The following UTP18 variants were observed in gnomAD, a reference collection of about 807,000 sequenced individuals.
UTP18 encodes the protein U3 small nucleolar RNA-associated protein 18 homolog.
UTP18 carries 36 observed loss-of-function variants against 61.1 expected under a neutral mutation model. That is an observed-to-expected ratio of 0.59 (90% CI 0.45 to 0.78). The LOEUF (loss-of-function observed/expected upper bound fraction) is 0.78, where lower values mean the gene tolerates loss of function less well. Ranked by LOEUF, UTP18 falls within the 30% of genes least tolerant of loss-of-function variation. The pLI is 0.00. For synonymous variants in UTP18, 282 were observed against 251.1 expected (o/e 1.12, Z -1.16); for missense variants, 753 against 693.9 (o/e 1.09, Z -0.96).
At chr17:51,291,411 T>G (rs1297346104) in intron 11 of UTP18, among the ~76,000 whole-genome samples, 2 of 151,932 alleles carry the variant, frequency 1.3e-5, no homozygotes, top group Non-Finnish European at 2.9e-5. Flanking sequence ...CCCCTCCTTT[T>G]CCCGATATTC....
At chr17:51,275,013 C>A (rs1411204152) in intron 5 of UTP18, among the ~76,000 whole-genome samples, 1 of 151,662 alleles carries the variant, frequency 6.6e-6, no homozygotes, top group African/African-American at 2.4e-5. Context: ...GCGTGACCAA[C>A]ATGGGGAAAC....
In UTP18 at chr17:51,260,631, G is replaced by C. The variant is rs775140475; in HGVS notation, c.47G>C (p.Gly16Ala). ...RRRMKLDRRT[G>A]AKPKRKPGMR... Reference sequence around the variant, plus strand: ...CGAATGAAACTGGACCGGAGAACCGGAGCGAAGCCGAAGCGGAAGCCCGGA... The same window carrying C: ...CGAATGAAACTGGACCGGAGAACCGCAGCGAAGCCGAAGCGGAAGCCCGGA... Residue 16 changes from glycine (G) to alanine (A), a missense_variant, in exon 1 of 14, where the codon GGA becomes GCA. Coordinates refer to ENST00000225298, the MANE Select transcript of UTP18 (RefSeq NM_016001.3). 40 of 1,612,546 alleles carry C rather than the reference G, an allele frequency of 2.5e-5. No individual in the cohort carries two copies. The highest frequency in any genetic ancestry group is 3.1e-5 in the Non-Finnish European group (37 of 1,179,756).
rs59599486 is a variant in UTP18, at chr17:51,286,874, C to T, written c.1329-1155C>T. ...TAAGTTTTAGGGTACATGTGCATAA[C>T]GTGCAGGTTTGTTACATATGTATAC... On this transcript the variant is annotated intron_variant, in intron 10 of 13. Transcript: ENST00000225298. Among the ~76,000 whole-genome samples the T allele has an allele frequency of 5.2e-3, 792 of 152,070 alleles. 5 individuals carry two copies. Among genetic ancestry groups the T allele is most frequent in the African/African-American group, 0.018 (762 of 41,468 alleles).
intron 11 of UTP18, among the ~76,000 whole-genome samples, chr17:51,289,397 C>T (rs1288175340): frequency 1.4e-5 from 2 of 145,638 alleles, no homozygotes; most frequent in Admixed American, 1.4e-4. Flanking sequence ...TAAGTAGAGA[C>T]GGGGTTTCAC....
At chr17:51,278,310 A>AC (rs1160324906) in intron 7 of UTP18, among the ~76,000 whole-genome samples, 1 of 152,200 alleles carries the variant, frequency 6.6e-6, no homozygotes, top group Non-Finnish European at 1.5e-5. Flanking sequence ...TGATGGTGAT[A>AC]CTGTGTGGTC....
At chr17:51,289,213 T>C (rs80284546) in intron 11 of UTP18, among the ~76,000 whole-genome samples, 1 of 135,742 alleles carries the variant, frequency 7.4e-6, no homozygotes, top group Admixed American at 7.5e-5. Flanking sequence ...TTTTTTTTTT[T>C]TGAGACCAAG....
At chr17:51,264,556 G>A (rs1008119119) in intron 2 of UTP18, among the ~76,000 whole-genome samples, 1 of 151,618 alleles carries the variant, frequency 6.6e-6, no homozygotes, top group Non-Finnish European at 1.5e-5. Flanking sequence ...CCCATTGAAA[G>A]GTGTCAGTTT....
intron 6 of UTP18, among the ~76,000 whole-genome samples, chr17:51,276,640 G>A (rs1048224980): frequency 1.3e-5 from 2 of 152,170 alleles, no homozygotes; most frequent in African/African-American, 2.4e-5. Flanking sequence ...GTCACTCTCT[G>A]ATGGGGGTAT....
At chr17:51,269,638 A>G (rs148729382) in intron 4 of UTP18, among the ~76,000 whole-genome samples, 14 of 152,138 alleles carry the variant, frequency 9.2e-5, no homozygotes, top group South Asian at 2.1e-4. Flanking sequence ...TGGTACGTAA[A>G]TGCAGGGAGT....
intron 2 of UTP18, among the ~76,000 whole-genome samples, chr17:51,264,690 CTT>C (rs1227700509): frequency 2.8e-5 from 4 of 141,626 alleles, no homozygotes. Flanking sequence ...TCATTGTCTT[CTT>C]TTTTTTTTTT....
intron 4 of UTP18, 75 bp downstream of exon 4, chr17:51,268,979 G>T: frequency 6.9e-7 from 1 of 1,453,298 alleles, no homozygotes; most frequent in Non-Finnish European, 9.6e-7. Context: ...GCTTTCTTAT[G>T]AGGCTCATTA....
chr17:51,273,002 G>C (rs909111704), intron 4 of UTP18, among the ~76,000 whole-genome samples: 2 of 152,190 alleles, frequency 1.3e-5, no homozygotes, highest in African/African-American at 2.4e-5. Context: ...TAGCCAACCT[G>C]TTGCCAATTT....
intron 9 of UTP18, among the ~76,000 whole-genome samples, chr17:51,280,955 A>T (rs994937494): frequency 1.3e-5 from 2 of 151,168 alleles, no homozygotes; most frequent in South Asian, 4.2e-4. Context: ...AGGCGAGTGG[A>T]TCGTTTGAGG....
At chr17:51,281,177 G>A (rs950119455) in intron 9 of UTP18, among the ~76,000 whole-genome samples, 3 of 138,688 alleles carry the variant, frequency 2.2e-5, no homozygotes, top group African/African-American at 8.8e-5. Context: ...TTTTTTAAAC[G>A]AAAAGTTGTG....
At chr17:51,267,946 A>T (rs1354963781) in intron 3 of UTP18, among the ~76,000 whole-genome samples, 1 of 99,130 alleles carries the variant, frequency 1.0e-5, no homozygotes, top group African/African-American at 4.7e-5. Flanking sequence ...TTCTGCATCA[A>T]AAAATTAAAA....
rs2055452193 is a variant in UTP18 at position 51,261,004 on chromosome 17, G to A, written c.342+78G>A. On this transcript the variant is annotated intron_variant, in intron 1 of 13. Coordinates refer to ENST00000225298, the MANE Select transcript of UTP18 (RefSeq NM_016001.3). ...GGGCGGTGAAGCTCCGGGGGGCGGA[G>A]CCTGGGCGACCTGCGGCGGCGGGGA... The A allele has an allele frequency of 2.4e-6, 3 of 1,275,448 alleles. No homozygotes were observed. The East Asian group carries it at 9.6e-5, about 41-fold the overall frequency. 79.0% of individuals were successfully genotyped at this position (1,275,448 alleles called of 1,614,324 possible).
chr17:51,266,979 A>C (rs143448927), intron 3 of UTP18, among the ~76,000 whole-genome samples: 1 of 152,086 alleles, frequency 6.6e-6, no homozygotes. Flanking sequence ...GACTACAGGC[A>C]TGTACCACCT....
intron 10 of UTP18, chr17:51,286,460 CTT>C (rs1905119093): frequency 2.2e-6 from 1 of 456,202 alleles, no homozygotes; most frequent in South Asian, 1.5e-5. Flanking sequence ...ACTCTCTACT[CTT>C]TGTTCACTCT....
At chr17:51,277,097 TA>T (rs776555829) in intron 6 of UTP18, 32 bp from the exon 7 acceptor site, 2 of 1,601,268 alleles carry the variant, frequency 1.2e-6, no homozygotes, top group Non-Finnish European at 8.5e-7. Flanking sequence ...TCTGTGGAAA[TA>T]ATCAAAAGAA....
Sources: gnomAD v4.1 joint callset for allele counts (sites outside exome capture counted in the v4.1 genomes callset) on GRCh38, gnomAD v4.1.1 for gene constraint, MANE v1.5 for transcripts, NCBI Gene and HGNC (gene_info 2026-07-23, HGNC 2026-07-21) for gene names.